The following WDR70 variants were observed in gnomAD, a reference collection of about 807,000 sequenced individuals.
WDR70 encodes WD repeat domain 70, also known as WD repeat-containing protein 70.
In WDR70, 53 loss-of-function variants were observed where a neutral mutation model predicts 88.6. The ratio of observed to expected loss-of-function variants is 0.60; its 90% CI spans 0.48 to 0.75. The LOEUF (loss-of-function observed/expected upper bound fraction) is 0.75. Ranked by LOEUF, WDR70 falls within the 30% of genes least tolerant of loss-of-function variation. The pLI is 0.00. For missense variants in WDR70, 610 were observed against 823.2 expected, an observed-to-expected ratio of 0.74 and a Z score of 3.17; for synonymous variants, 280 against 270.0, an observed-to-expected ratio of 1.04 and a Z score of -0.36.
chr5:37,632,068 G>T (rs1016894308), intron 10 of WDR70, among the ~76,000 whole-genome samples: 4 of 152,222 alleles, frequency 2.6e-5, no homozygotes, highest in African/African-American at 9.6e-5. Flanking sequence ...TTCAGTTAAT[G>T]ACAGTCTGTG....
intron 9 of WDR70, among the ~76,000 whole-genome samples, chr5:37,595,367 A>G (rs552740621): frequency 6.6e-6 from 1 of 152,038 alleles, no homozygotes; most frequent in South Asian, 2.1e-4. Flanking sequence ...AGCATAATAC[A>G]TATGGAAATC....
chr5:37,401,047 G>A (rs1169511989), intron 5 of WDR70, among the ~76,000 whole-genome samples: 2 of 152,018 alleles, frequency 1.3e-5, no homozygotes, highest in African/African-American at 4.8e-5. Context: ...CACCCAGGCT[G>A]GAGTACAGTG....
chr5:37,396,274 T>A, intron 4 of WDR70, 101 bp from the exon 5 acceptor site: 2 of 1,378,210 alleles, frequency 1.5e-6, no homozygotes, highest in Non-Finnish European at 1.9e-6. Context: ...AATACCCAGT[T>A]GTTAATAGGA....
intron 9 of WDR70, among the ~76,000 whole-genome samples, chr5:37,585,565 A>G (rs1359765482): frequency 6.6e-6 from 1 of 152,146 alleles, no homozygotes; most frequent in South Asian, 2.1e-4. Context: ...GTACTATTAG[A>G]TGCACTAGAT....
At chr5:37,573,727 A>G (rs569608165) in intron 9 of WDR70, among the ~76,000 whole-genome samples, 42 of 151,932 alleles carry the variant, frequency 2.8e-4, no homozygotes, top group Admixed American at 1.0e-3. Flanking sequence ...TCTCTGTCTC[A>G]TTTCTTGTCT....
intron 9 of WDR70, among the ~76,000 whole-genome samples, chr5:37,579,283 A>G (rs1365640851): frequency 6.6e-6 from 1 of 152,206 alleles, no homozygotes; most frequent in Non-Finnish European, 1.5e-5. Context: ...TGAAAAGGAA[A>G]AAGACACAAA....
Position 37,447,587 on chromosome 5 carries a change from C to A in WDR70, c.686+4215C>A, listed in dbSNP as rs563211496. 4.6e-5 allele frequency among the ~76,000 whole-genome samples: 7 copies of A among 152,308 alleles called. No homozygotes were observed. The South Asian group carries it at 1.4e-3, about 32-fold the overall frequency. ...ATTAAGAAAATGTTGCACATATACA[C>A]CATGGAATACTATGCAGCCATAAAA... On this transcript the variant is annotated intron_variant, in intron 7 of 17. Transcript: ENST00000265107.
chr5:37,720,487 C>T (rs1581525742), intron 13 of WDR70, among the ~76,000 whole-genome samples: 1 of 152,136 alleles, frequency 6.6e-6, no homozygotes, highest in Non-Finnish European at 1.5e-5. Flanking sequence ...GTAATGAATT[C>T]ATAGGATCAT....
At chr5:37,624,854 C>T (rs1043607969) in intron 10 of WDR70, among the ~76,000 whole-genome samples, 10 of 152,138 alleles carry the variant, frequency 6.6e-5, no homozygotes, top group African/African-American at 2.4e-4. Flanking sequence ...AGTACGCATT[C>T]CTTCCTTCCG....
intron 9 of WDR70, among the ~76,000 whole-genome samples, chr5:37,600,898 G>C (rs1323916511): frequency 2.6e-5 from 4 of 152,186 alleles, no homozygotes; most frequent in African/African-American, 9.6e-5. Context: ...TTGTTTCCCT[G>C]CTCTAACACT....
rs61748201 is a variant in WDR70, at chr5:37,721,117, T to C, written c.1419T>C (p.Ser473=). The C allele has an allele frequency of 0.012, 18,900 of 1,613,524 alleles. 1,054 individuals are homozygous for C. In the African/African-American group the frequency reaches 0.16, roughly 14 times the overall value. The part of the protein sequence containing the change: ...RVYEIDITDA[S]VVRCLWHPKL... The stretch of plus-strand genomic sequence containing the variant: ...ACCACTGCGCTTTTCCTTTGCAGAG[T>C]GTTGTTCGCTGCCTGTGGCATCCAA... The change falls in exon 14 of 18, where the codon AGT becomes AGC. Residue 473 remains serine (S), a splice_region_variant and synonymous_variant. Transcript: ENST00000265107.
At chr5:37,401,931 C>T (rs1367249956) in intron 5 of WDR70, among the ~76,000 whole-genome samples, 1 of 152,208 alleles carries the variant, frequency 6.6e-6, no homozygotes, top group East Asian at 1.9e-4. Flanking sequence ...TTTGTGTTGG[C>T]AATATTCAAA....
At chr5:37,426,795 C>CT (rs3038670) in intron 5 of WDR70, among the ~76,000 whole-genome samples, 12,846 of 144,064 alleles carry the variant, frequency 0.089, 979 homozygotes, top group African/African-American at 0.21. Context: ...AATCTAGGTT[C>CT]TTTTTTTTTT....
intron 10 of WDR70, among the ~76,000 whole-genome samples, chr5:37,664,256 A>C (rs1433449823): frequency 6.6e-6 from 1 of 152,184 alleles, no homozygotes; most frequent in African/African-American, 2.4e-5. Flanking sequence ...CTGTCCTTAA[A>C]TCCCTTCAAA....
chr5:37,717,810 C>T (rs1258279709), intron 13 of WDR70, among the ~76,000 whole-genome samples: 1 of 152,198 alleles, frequency 6.6e-6, no homozygotes, highest in Admixed American at 6.5e-5. Context: ...TGTGGAGCCG[C>T]ATTAGCTGCA....
chr5:37,698,324 G>A (rs1365277832), intron 11 of WDR70, among the ~76,000 whole-genome samples: 1 of 152,136 alleles, frequency 6.6e-6, no homozygotes, highest in Non-Finnish European at 1.5e-5. Flanking sequence ...GATAGGTTGT[G>A]TATTGGTAGA....
intron 8 of WDR70, among the ~76,000 whole-genome samples, chr5:37,510,569 A>C (rs1740695031): frequency 6.6e-6 from 1 of 152,204 alleles, no homozygotes; most frequent in Admixed American, 6.5e-5. Flanking sequence ...AGTAGCTGGG[A>C]CTACCAGGCA....
intron 9 of WDR70, among the ~76,000 whole-genome samples, chr5:37,592,380 A>G (rs1743557374): frequency 1.3e-5 from 2 of 152,210 alleles, no homozygotes; most frequent in Admixed American, 6.5e-5. Flanking sequence ...CTCAATTTAT[A>G]TGTCACTGAT....
At chr5:37,535,342 A>G (rs985371678) in intron 9 of WDR70, among the ~76,000 whole-genome samples, 4 of 152,086 alleles carry the variant, frequency 2.6e-5, no homozygotes, top group African/African-American at 9.7e-5. Flanking sequence ...AATATGGCAT[A>G]TTTGAGGGAA....
Sources: gnomAD v4.1 joint callset for allele counts (sites outside exome capture counted in the v4.1 genomes callset) on GRCh38, gnomAD v4.1.1 for gene constraint, MANE v1.5 for transcripts, NCBI Gene and HGNC (gene_info 2026-07-23, HGNC 2026-07-21) for gene names.